ARHGAP22: variants seen among roughly 807,000 people sequenced by gnomAD.
The protein encoded by ARHGAP22 is rho GTPase-activating protein 22.
Under a neutral mutation model 59.1 loss-of-function variants are expected in ARHGAP22, and 48 were observed. That is an observed-to-expected ratio of 0.81 (90% CI 0.64 to 1.03). The LOEUF is 1.03. Among genes scored for constraint, ARHGAP22 ranks in the 50% least tolerant of loss-of-function variants. ARHGAP22 has a pLI of 0.00. For synonymous variants in ARHGAP22, 445 were observed against 416.4 expected, an observed-to-expected ratio of 1.07 and a Z score of -0.84; for missense variants, 1,015 against 958.7, an observed-to-expected ratio of 1.06 and a Z score of -0.78.
In ARHGAP22 at chr10:48,479,639, C is replaced by T. The variant is rs369200749; in HGVS notation, c.448G>A (p.Gly150Arg). 2.1e-5 allele frequency: 34 copies of T among 1,613,720 alleles called. No homozygotes were observed. The highest frequency in any genetic ancestry group is 1.7e-4 in the African/African-American group (13 of 74,932). ...GCATGCGATCTACGGGCAGTACCTC[C>T]GCCCAGCGGGGCCCAGATGACTCGG... The part of the protein sequence containing the change: ...IRRVIWAPLG[G>R]GIFGQRLEET... Residue 150 changes from glycine to arginine, a missense_variant, in exon 4 of 10, where the codon GGA becomes AGA. Physicochemically the swap from Gly to Arg is moderately radical, Grantham distance 125. Coordinates refer to ENST00000249601, the MANE Select transcript of ARHGAP22 (RefSeq NM_021226.4).
intron 3 of ARHGAP22, among the ~76,000 whole-genome samples, chr10:48,551,580 C>T (rs981625874): frequency 1.3e-5 from 2 of 152,218 alleles, no homozygotes; most frequent in African/African-American, 2.4e-5. Context: ...CCTGCGTGTC[C>T]CCGCAGCTTC....
intron 4 of ARHGAP22, among the ~76,000 whole-genome samples, chr10:48,461,586 C>G (rs776549007): frequency 6.6e-6 from 1 of 152,150 alleles, no homozygotes; most frequent in Non-Finnish European, 1.5e-5. Context: ...TCTATGAAAA[C>G]TAAATATATC....
At chr10:48,609,253 C>G (rs1180126773), upstream of ARHGAP22, among the ~76,000 whole-genome samples, 1 of 152,218 alleles carries the variant, frequency 6.6e-6, no homozygotes, top group Non-Finnish European at 1.5e-5. Flanking sequence ...AATCTGTTCT[C>G]CCCTTCTTCC....
the ARHGAP22 span, chr10:48,438,587 T>G: frequency 6.6e-6 from 1 of 152,238 alleles, no homozygotes; most frequent in Non-Finnish European, 1.5e-5. Flanking sequence ...CAATGTTCTA[T>G]TCTCATAATG....
At chr10:48,562,276 C>G (rs2057740153) in intron 2 of ARHGAP22, among the ~76,000 whole-genome samples, 1 of 62,106 alleles carries the variant, frequency 1.6e-5, no homozygotes, top group Non-Finnish European at 3.3e-5. Context: ...TACGACCCAG[C>G]CATTCCGCTC....
intron 1 of ARHGAP22, among the ~76,000 whole-genome samples, chr10:48,590,261 G>A (rs1472895296): frequency 6.6e-6 from 1 of 151,976 alleles, no homozygotes. Context: ...GGAGGGACCC[G>A]AGCCGGTTTA....
At chr10:48,611,806 C>G (rs1361227214) in intron 1 of ARHGAP22, among the ~76,000 whole-genome samples, 1 of 123,850 alleles carries the variant, frequency 8.1e-6, no homozygotes, top group East Asian at 2.6e-4. Context: ...CCCTTCCCTT[C>G]TCTTCCCTTC....
At position 48,640,308 on chromosome 10, in the gene ARHGAP22, C is replaced by G. The variant is rs184433423; in HGVS notation, c.52+11926G>C. On this transcript the variant is annotated intron_variant, in intron 1 of 9. Transcript: ENST00000435790. ...GACAAAAAAGAAAAAGACAGGAAAA[C>G]TATTTGAAAAAGATAATTACTGACA... 2.4e-4 allele frequency among the ~76,000 whole-genome samples: 36 copies of G among 152,198 alleles called. 1 individual carries two copies. Among genetic ancestry groups the G allele is most frequent in the Middle Eastern group, 3.4e-3 (1 of 294 alleles).
At chr10:48,496,063 T>C (rs1438336935) in intron 3 of ARHGAP22, among the ~76,000 whole-genome samples, 1 of 152,120 alleles carries the variant, frequency 6.6e-6, no homozygotes, top group Non-Finnish European at 1.5e-5. Context: ...GCCCCCAAGC[T>C]ACAGGATGCA....
At chr10:48,627,998 T>C (rs531605137) in intron 1 of ARHGAP22, among the ~76,000 whole-genome samples, 1 of 152,332 alleles carries the variant, frequency 6.6e-6, no homozygotes, top group Non-Finnish European at 1.5e-5. Flanking sequence ...GTAAAACGTA[T>C]TAACACAGTG....
chr10:48,522,066 G>C (rs369513997), intron 3 of ARHGAP22, among the ~76,000 whole-genome samples: 3 of 152,268 alleles, frequency 2.0e-5, no homozygotes, highest in African/African-American at 7.2e-5. Flanking sequence ...AAATGAGCCT[G>C]CAGCATTTAA....
At chr10:48,465,603 G>C (rs1294940093) in intron 4 of ARHGAP22, among the ~76,000 whole-genome samples, 2 of 152,220 alleles carry the variant, frequency 1.3e-5, no homozygotes, top group Non-Finnish European at 2.9e-5. Flanking sequence ...CCCGAAGGCC[G>C]CATCAGGGAA....
At chr10:48,655,012 T>TCTCCC (rs1565069621), upstream of ARHGAP22, among the ~76,000 whole-genome samples, 5 of 64,400 alleles carry the variant, frequency 7.8e-5, no homozygotes, top group African/African-American at 3.0e-4. Flanking sequence ...TTCTTTCTCT[T>TCTCCC]TCTTTCTTTC....
intron 1 of ARHGAP22, among the ~76,000 whole-genome samples, chr10:48,604,127 G>C (rs1345549793): frequency 1.3e-5 from 2 of 152,242 alleles, no homozygotes; most frequent in Non-Finnish European, 2.9e-5. Flanking sequence ...TCAGGTCACT[G>C]TGCTGGGTCG....
chr10:48,605,116 C>G, upstream of ARHGAP22: 3 of 1,169,724 alleles, frequency 2.6e-6, no homozygotes, highest in Non-Finnish European at 3.2e-6. Context: ...TGGGCGCACG[C>G]GTGGCTGTCC....
intron 1 of ARHGAP22, among the ~76,000 whole-genome samples, chr10:48,643,715 C>T (rs2062160020): frequency 6.8e-6 from 1 of 146,692 alleles, no homozygotes; most frequent in South Asian, 2.1e-4. Flanking sequence ...AACAAACCTG[C>T]ATGTTATGCA....
At chr10:48,642,949 A>G (rs34937956) in intron 1 of ARHGAP22, among the ~76,000 whole-genome samples, 7,626 of 152,338 alleles carry the variant, frequency 0.05, 548 homozygotes, top group African/African-American at 0.17. Context: ...GACTTTTCTC[A>G]AAAGAAGACA....
intron 5 of ARHGAP22, among the ~76,000 whole-genome samples, chr10:48,459,288 C>T (rs1380429314): frequency 6.6e-6 from 1 of 152,210 alleles, no homozygotes; most frequent in South Asian, 2.1e-4. Context: ...TGCCATCTTG[C>T]CATTGATAGA....
chr10:48,625,693 TACAC>T (rs56897057), intron 1 of ARHGAP22, among the ~76,000 whole-genome samples: 23,784 of 138,646 alleles, frequency 0.17, 1,938 homozygotes, highest in East Asian at 0.21. Context: ...CTGCAACGTG[TACAC>T]ACACACACAC....
Sources: gnomAD v4.1 joint callset for allele counts (sites outside exome capture counted in the v4.1 genomes callset) on GRCh38, gnomAD v4.1.1 for gene constraint, MANE v1.5 for transcripts, NCBI Gene and HGNC (gene_info 2026-07-23, HGNC 2026-07-21) for gene names.